Variants in ZFYVE16 observed in about 807,000 individuals in gnomAD.
ZFYVE16 encodes zinc finger FYVE domain-containing protein 16.
A neutral mutation model predicts 138.1 loss-of-function variants in ZFYVE16; 89 were observed. That is an observed-to-expected ratio of 0.64 (90% CI 0.54 to 0.77). ZFYVE16 has a LOEUF of 0.77. Ranked by LOEUF, ZFYVE16 falls within the 30% of genes least tolerant of loss-of-function variation. The pLI is 0.00. For missense variants in ZFYVE16, 1,793 were observed against 1,786.7 expected (o/e 1.00, Z -0.06); for synonymous variants, 596 against 618.3 (o/e 0.96, Z 0.53).
rs371349174 is a variant in ZFYVE16 at position 80,448,197 on chromosome 5, A to G, written c.2896A>G (p.Thr966Ala). 2.5e-6 allele frequency: 4 copies of G among 1,613,964 alleles called. No homozygotes were observed. The highest frequency in any genetic ancestry group is 2.5e-6 in the Non-Finnish European group (3 of 1,179,932). ...GGGGTTACCTACTTCTGGTTCATTT[A>G]CACTAGATGATGATGTTTTTGCAGA... ...NEGLPTSGSFTLDDDVFAETE... is the reference protein window; with the variant it reads ...NEGLPTSGSFALDDDVFAETE... Residue 966 changes from threonine (T) to alanine (A), a missense_variant, in exon 8 of 19, where the codon ACA becomes GCA. This residue lies in a region of ZFYVE16 where 1,295 missense variants were observed against 1,204.3 expected (regional missense o/e 1.08). Transcript: ENST00000505560.
chr5:80,451,638 A>G lies in ZFYVE16; in HGVS notation c.3536A>G (p.Gln1179Arg). ...CCTTTTCTTTGTGGAATTCTTATCC[A>G]GAAGCTTGAGATTCCCTGGGCAAAG... is the stretch of plus-strand genomic sequence containing the variant. ...SNPFLCGILI[Q>R]KLEIPWAKVF... The change falls in exon 11 of 19, where the codon CAG becomes CGG. Residue 1179 changes from glutamine (Q) to arginine (R), a missense_variant. Gln to Arg is a conservative substitution (Grantham distance 43). Coordinates refer to ENST00000505560, the MANE Select transcript of ZFYVE16 (RefSeq NM_001284236.3). 6.2e-7 allele frequency: 1 copy of G among 1,613,898 alleles called. No homozygotes were observed. The highest frequency in any genetic ancestry group is 8.5e-7 in the Non-Finnish European group (1 of 1,179,928).
chr5:80,410,820 G>A (rs183931318), intron 1 of ZFYVE16, among the ~76,000 whole-genome samples: 12 of 148,776 alleles, frequency 8.1e-5, no homozygotes, highest in Non-Finnish European at 1.8e-4. Context: ...CGCCTGCCTC[G>A]GCCTCCCAAA....
chr5:80,436,867 A>C lies in ZFYVE16; in HGVS notation c.182A>C (p.Glu61Ala). 2 of 1,614,196 alleles carry C rather than the reference A, an allele frequency of 1.2e-6. No homozygotes were observed. The highest frequency in any genetic ancestry group is 1.7e-6 in the Non-Finnish European group (2 of 1,180,038). Reference sequence around the variant, plus strand: ...ACTTCATTGCTCCCAAAAGACCAAGAGTGCGTTAATAGTTGTGCCTCATCA... The same window carrying C: ...ACTTCATTGCTCCCAAAAGACCAAGCGTGCGTTAATAGTTGTGCCTCATCA... ...QRTSLLPKDQ[E>A]CVNSCASSET... The change falls in exon 4 of 19, where the codon GAG (glutamate) becomes GCG (alanine). Residue 61 changes from glutamate to alanine, a missense_variant. Transcript: ENST00000505560.
intron 5 of ZFYVE16, chr5:80,440,304 C>G: frequency 9.3e-7 from 1 of 1,078,258 alleles, no homozygotes; most frequent in Non-Finnish European, 1.1e-6. Flanking sequence ...TGCATTTCAT[C>G]TGCCTATTTG....
intron 5 of ZFYVE16, 143 bp downstream of exon 5, chr5:80,440,175 C>G (rs1398135276): frequency 4.0e-6 from 5 of 1,265,034 alleles, no homozygotes; most frequent in Non-Finnish European, 5.0e-6. Context: ...CATCCCAAGG[C>G]TTGGTTTCTC....
intron 3 of ZFYVE16, among the ~76,000 whole-genome samples, chr5:80,436,267 C>T (rs980785188): frequency 1.3e-4 from 20 of 152,252 alleles, no homozygotes; most frequent in Admixed American, 9.8e-4. Flanking sequence ...ATTAGAGCAC[C>T]ACAGGGGAGT....
Position 80,445,295 on chromosome 5 carries a change from T to G in ZFYVE16, c.2614T>G (p.Phe872Val). 6.2e-7 allele frequency: 1 copy of G among 1,613,874 alleles called. No homozygotes were observed. The highest frequency in any genetic ancestry group is 8.5e-7 in the Non-Finnish European group (1 of 1,179,910). Residue 872 changes from phenylalanine to valine, a missense_variant, in exon 7 of 19, where the codon TTT becomes GTT. Physicochemically the swap from Phe to Val is conservative, Grantham distance 50. Coordinates refer to ENST00000505560, the MANE Select transcript of ZFYVE16 (RefSeq NM_001284236.3). Reference protein sequence around the residue: ...LCSKEQKRVWFADGILPNGEV... With the variant: ...LCSKEQKRVWVADGILPNGEV... The stretch of plus-strand genomic sequence containing the variant: ...TTCCAAAGAACAGAAGAGAGTATGG[T>G]TTGCAGATGGTATATTGCCCAATGG...
chr5:80,424,192 C>T (rs2112245205), intron 1 of ZFYVE16, among the ~76,000 whole-genome samples: 1 of 152,104 alleles, frequency 6.6e-6, no homozygotes, highest in Middle Eastern at 3.4e-3. Context: ...GGTGATCCAC[C>T]CACCTTGGCC....
chr5:80,441,775 C>T (rs980638203), intron 5 of ZFYVE16: 1 of 985,150 alleles, frequency 1.0e-6, no homozygotes, highest in Middle Eastern at 5.2e-4. Context: ...TTAATGGAAG[C>T]CATTTTATGA....
chr5:80,408,282 C>T (rs1561211585), intron 1 of ZFYVE16, 129 bp downstream of exon 1: 1 of 152,428 alleles, frequency 6.6e-6, no homozygotes, highest in African/African-American at 2.4e-5. Context: ...GGGACAGAGC[C>T]TGGGCCCCGA....
intron 18 of ZFYVE16, among the ~76,000 whole-genome samples, chr5:80,475,356 A>G (rs1257770080): frequency 6.6e-6 from 1 of 152,230 alleles, no homozygotes; most frequent in Non-Finnish European, 1.5e-5. Flanking sequence ...AGCATTCACA[A>G]TGTATTCTGT....
At chr5:80,422,483 CTCTG>C (rs1747362584) in intron 1 of ZFYVE16, among the ~76,000 whole-genome samples, 1 of 152,138 alleles carries the variant, frequency 6.6e-6, no homozygotes, top group Admixed American at 6.6e-5. Flanking sequence ...CAGAGTCTCG[CTCTG>C]TCTGTTTCCC....
intron 2 of ZFYVE16, 65 bp from the exon 3 acceptor site, chr5:80,434,044 G>T: frequency 9.4e-7 from 1 of 1,058,638 alleles, no homozygotes. Context: ...TTCCTGGCAT[G>T]GAATACATGG....
chr5:80,472,903 T>C lies in ZFYVE16; in HGVS notation c.4167T>C (p.Ala1389=), dbSNP rs765747109. Residue 1389 remains alanine, a synonymous_variant, in exon 16 of 19, where the codon GCT becomes GCC. Transcript: ENST00000505560. ...ACGTGGATATCTGCTGGGTAGATGC[T>C]GAAGAAAAAGGAAACAAAGGGTAGG... ...REYVDICWVD[A]EEKGNKGVIS... The C allele has an allele frequency of 2.0e-5, 32 of 1,601,184 alleles. No homozygotes were observed. Among genetic ancestry groups the C allele is most frequent in the Non-Finnish European group, 2.7e-5 (32 of 1,174,754 alleles).
At chr5:80,426,500 C>T (rs1433929364) in intron 1 of ZFYVE16, among the ~76,000 whole-genome samples, 3 of 151,166 alleles carry the variant, frequency 2.0e-5, no homozygotes, top group Non-Finnish European at 4.4e-5. Flanking sequence ...CCTGTGTCCA[C>T]GTGTTCTCAT....
chr5:80,455,635 T>A, intron 11 of ZFYVE16, 57 bp from the exon 12 acceptor site: 1 of 1,325,904 alleles, frequency 7.5e-7, no homozygotes, highest in Non-Finnish European at 1.1e-6. Flanking sequence ...GGTAATAAAT[T>A]CAATAATTTG....
At chr5:80,435,353 G>T (rs944666583) in intron 3 of ZFYVE16, among the ~76,000 whole-genome samples, 6 of 152,138 alleles carry the variant, frequency 3.9e-5, no homozygotes, top group African/African-American at 7.2e-5. Context: ...ATTTTTGGTA[G>T]AGATGGGGTT....
chr5:80,437,985 T>C lies in ZFYVE16; in HGVS notation c.1300T>C (p.Leu434=), dbSNP rs2112372861. The change falls in exon 4 of 19, where the codon TTG becomes CTG. Residue 434 remains leucine (L), a synonymous_variant. Transcript: ENST00000505560. ...GGEPFKENDL[L]KQEKCKSILL... ...GGAACCATTCAAAGAGAATGATCTT[T>C]TGAAACAGGAAAAATGTAAAAGCAT... 1.2e-6 allele frequency: 2 copies of C among 1,613,986 alleles called. No individual in the cohort carries two copies. The highest frequency in any genetic ancestry group is 1.7e-6 in the Non-Finnish European group (2 of 1,179,950).
intron 1 of ZFYVE16, among the ~76,000 whole-genome samples, chr5:80,417,867 T>C (rs1360933545): frequency 6.6e-6 from 1 of 152,162 alleles, no homozygotes; most frequent in Non-Finnish European, 1.5e-5. Context: ...GATTATATGG[T>C]AGTAGTAAGT....
Sources: gnomAD v4.1 joint callset for allele counts (sites outside exome capture counted in the v4.1 genomes callset) on GRCh38, gnomAD v4.1.1 for gene constraint, gnomAD v4.1.1 regional missense constraint, MANE v1.5 for transcripts, NCBI Gene and HGNC (gene_info 2026-07-23, HGNC 2026-07-21) for gene names.